The following RYR3 variants were observed in gnomAD, a reference collection of about 807,000 sequenced individuals.
The protein encoded by RYR3 is ryanodine receptor 3.
A neutral mutation model predicts 584.3 loss-of-function variants in RYR3; 207 were observed. The ratio of observed to expected loss-of-function variants is 0.35; its 90% CI spans 0.32 to 0.40. The LOEUF (loss-of-function observed/expected upper bound fraction) is 0.40, where lower values mean the gene tolerates loss of function less well. RYR3 is among the 10% of genes least tolerant of loss of function. The pLI is 1.00. For missense variants in RYR3, 5,616 were observed against 6,089.2 expected (o/e 0.92, Z 2.59); for synonymous variants, 2,416 against 2,248.5 (o/e 1.07, Z -2.11).
Position 33,753,786 on chromosome 15 carries a change from C to T in RYR3, c.8400-1279C>T, listed in dbSNP as rs192324810. 3.1e-4 allele frequency among the ~76,000 whole-genome samples: 47 copies of T among 152,244 alleles called. No homozygotes were observed. The South Asian group carries it at 4.2e-3, about 13-fold the overall frequency. Reference sequence around the variant, plus strand: ...CGGGGAAGCATTCGAGAAAGACTCCCGTCGTCATTTTAATCCTGTTCTTAA... The same window carrying T: ...CGGGGAAGCATTCGAGAAAGACTCCTGTCGTCATTTTAATCCTGTTCTTAA... On this transcript the variant is annotated intron_variant, in intron 57 of 103. Transcript: ENST00000634891.
At chr15:33,849,542 G>C (rs1271271172) in intron 94 of RYR3, 1 of 152,190 alleles carries the variant, frequency 6.6e-6, no homozygotes, top group Admixed American at 6.5e-5. Context: ...TATCCAAAAA[G>C]TGGCCATCAC....
chr15:33,664,575 ATGTG>A (rs577820015), intron 36 of RYR3, among the ~76,000 whole-genome samples: 1 of 98,652 alleles, frequency 1.0e-5, no homozygotes, highest in African/African-American at 3.4e-5. Flanking sequence ...ATATAGATAT[ATGTG>A]TGTGTGTGTG....
Position 33,801,919 on chromosome 15 carries a change from T to C in RYR3, c.9969T>C (p.Asn3323=), listed in dbSNP as rs1299599534. 2 of 1,589,658 alleles carry C rather than the reference T, an allele frequency of 1.3e-6. No homozygotes were observed. The highest frequency in any genetic ancestry group is 2.3e-5 in the East Asian group (1 of 44,414). ...TTGTGATTCAGAATGAAATTAATAATTTGGCATTTTTAACTGGAGACAGCA... is the reference window on the plus strand; with the variant it reads ...TTGTGATTCAGAATGAAATTAATAACTTGGCATTTTTAACTGGAGACAGCA... The part of the protein sequence containing the change: ...QNFVIQNEIN[N]LAFLTGDSKS... The change falls in exon 69 of 104, where the codon AAT becomes AAC. Residue 3323 remains asparagine (N), a synonymous_variant. Coordinates refer to ENST00000634891, the MANE Select transcript of RYR3 (RefSeq NM_001036.6).
At chr15:33,560,311 A>T (rs2057331131) in intron 10 of RYR3, among the ~76,000 whole-genome samples, 1 of 152,166 alleles carries the variant, frequency 6.6e-6, no homozygotes, top group Admixed American at 6.5e-5. Context: ...GTTCTATTAC[A>T]TTAGAAGTGC....
chr15:33,703,253 T>G (rs1380088434), intron 42 of RYR3, among the ~76,000 whole-genome samples: 1 of 152,238 alleles, frequency 6.6e-6, no homozygotes, highest in African/African-American at 2.4e-5. Context: ...ACGCCCGTGT[T>G]TGTGCAGCAT....
chr15:33,697,945 C>G lies in RYR3; in HGVS notation c.6198C>G (p.His2066Gln), dbSNP rs750012770. 2.5e-6 allele frequency: 4 copies of G among 1,613,856 alleles called. No individual in the cohort carries two copies. The highest frequency in any genetic ancestry group is 2.5e-6 in the Non-Finnish European group (3 of 1,179,814). The change falls in exon 40 of 104, where the codon CAC becomes CAG. Residue 2066 changes from histidine (H) to glutamine (Q), a missense_variant. Around this residue, in one of 9 missense-constraint regions of RYR3, gnomAD observed 1,280 missense variants for 1,426.2 expected, o/e 0.90. Coordinates refer to ENST00000634891, the MANE Select transcript of RYR3 (RefSeq NM_001036.6). ...HPNLMRVLGM[H>Q]ETVMEVMVNV... ...ACCTCATGAGAGTCCTGGGCATGCA[C>G]GAGACGGTGATGGAGGTGATGGTGA...
intron 1 of RYR3, among the ~76,000 whole-genome samples, chr15:33,333,390 A>G (rs1262207042): frequency 6.6e-6 from 1 of 152,198 alleles, no homozygotes; most frequent in Non-Finnish European, 1.5e-5. Context: ...GGTTGGTTTA[A>G]CAATGCAAAT....
At chr15:33,357,145 A>G (rs1299415673) in intron 1 of RYR3, among the ~76,000 whole-genome samples, 1 of 152,166 alleles carries the variant, frequency 6.6e-6, no homozygotes, top group Non-Finnish European at 1.5e-5. Context: ...AGCAAACAGA[A>G]GTCTAAAAAT....
intron 16 of RYR3, among the ~76,000 whole-genome samples, chr15:33,598,206 A>G (rs1305588246): frequency 1.4e-5 from 2 of 145,838 alleles, no homozygotes; most frequent in Non-Finnish European, 3.0e-5. Flanking sequence ...AAATCAGATG[A>G]AAATGGAATT....
chr15:33,320,625 G>C (rs1339963340), intron 1 of RYR3, among the ~76,000 whole-genome samples: 1 of 152,154 alleles, frequency 6.6e-6, no homozygotes. Flanking sequence ...AAATTTTCCT[G>C]TTGAAAGGTA....
At position 33,663,544 on chromosome 15, in the gene RYR3, A is replaced by G; in HGVS notation, c.5426A>G (p.Glu1809Gly). 6.2e-7 allele frequency: 1 copy of G among 1,613,578 alleles called. No individual in the cohort carries two copies. The highest frequency in any genetic ancestry group is 8.5e-7 in the Non-Finnish European group (1 of 1,179,726). ...LPESVKLQMC[E>G]LLSYLCDCEL... ...ATAATACTTTCATTGCAGATGTGTG[A>G]GCTCCTCAGCTATCTCTGCGACTGT... The change falls in exon 36 of 104, where the codon GAG becomes GGG. Residue 1809 changes from glutamate (E) to glycine (G), a missense_variant. This residue lies in a region of RYR3 where 753 missense variants were observed against 741.0 expected (regional missense o/e 1.02). Coordinates refer to ENST00000634891, the MANE Select transcript of RYR3 (RefSeq NM_001036.6).
chr15:33,617,284 C>A (rs1337582594), intron 19 of RYR3, among the ~76,000 whole-genome samples: 1 of 151,864 alleles, frequency 6.6e-6, no homozygotes, highest in Non-Finnish European at 1.5e-5. Context: ...TGGTGGCAGG[C>A]GCCTGTAGTC....
intron 67 of RYR3, among the ~76,000 whole-genome samples, chr15:33,796,602 G>C (rs2075641047): frequency 6.6e-6 from 1 of 152,170 alleles, no homozygotes; most frequent in African/African-American, 2.4e-5. Context: ...TACAAGTACA[G>C]TTTTGTTACA....
At chr15:33,562,083 T>C (rs1202870754) in intron 10 of RYR3, among the ~76,000 whole-genome samples, 3 of 152,046 alleles carry the variant, frequency 2.0e-5, no homozygotes, top group East Asian at 1.9e-4. Flanking sequence ...GAGGCCCTGA[T>C]TGATGAGGAG....
At chr15:33,699,883 C>T (rs757461671) in intron 41 of RYR3, 50 bp downstream of exon 41, 4 of 1,587,150 alleles carry the variant, frequency 2.5e-6, no homozygotes, top group African/African-American at 2.7e-5. Context: ...AGGTTACACT[C>T]CCCCTTTTGA....
chr15:33,672,933 G>A (rs969782655), intron 38 of RYR3, among the ~76,000 whole-genome samples: 3 of 152,098 alleles, frequency 2.0e-5, no homozygotes, highest in Admixed American at 6.6e-5. Context: ...ACCCTTACCC[G>A]TTCCAGAAAA....
intron 57 of RYR3, among the ~76,000 whole-genome samples, chr15:33,754,564 A>G (rs899722813): frequency 6.6e-6 from 1 of 152,074 alleles, no homozygotes; most frequent in African/African-American, 2.4e-5. Context: ...TCCCAGTGAG[A>G]CCAACCCTGA....
chr15:33,654,350 A>G (rs1179239810), intron 32 of RYR3, among the ~76,000 whole-genome samples: 2 of 152,074 alleles, frequency 1.3e-5, no homozygotes, highest in African/African-American at 4.8e-5. Context: ...CCTCAGCTTT[A>G]CAAAAAATAG....
At chr15:33,532,598 C>T (rs1306835279) in intron 4 of RYR3, among the ~76,000 whole-genome samples, 2 of 150,666 alleles carry the variant, frequency 1.3e-5, no homozygotes, top group African/African-American at 2.4e-5. Context: ...TTGATAAATA[C>T]TCAATAACAT....
Sources: gnomAD v4.1 joint callset for allele counts (sites outside exome capture counted in the v4.1 genomes callset) on GRCh38, gnomAD v4.1.1 for gene constraint, gnomAD v4.1.1 regional missense constraint, MANE v1.5 for transcripts, NCBI Gene and HGNC (gene_info 2026-07-23, HGNC 2026-07-21) for gene names.